The following NT5E variants were observed in gnomAD, a reference collection of about 807,000 sequenced individuals.
NT5E encodes the protein 5'-nucleotidase.
A neutral mutation model predicts 55.1 loss-of-function variants in NT5E; 53 were observed. The observed-to-expected ratio is 0.96, with a 90% CI of 0.77 to 1.21. The LOEUF is 1.21. Among genes scored for constraint, NT5E ranks in the 50% most tolerant of loss-of-function variants. NT5E has a pLI of 0.00. For synonymous variants in NT5E, 270 were observed against 278.4 expected, an observed-to-expected ratio of 0.97 and a Z score of 0.30; for missense variants, 683 against 724.3, an observed-to-expected ratio of 0.94 and a Z score of 0.65.
chr6:85,467,214 C>A lies in NT5E; in HGVS notation c.494C>A (p.Pro165His). The change falls in exon 2 of 9, where the codon CCT becomes CAT. Residue 165 changes from proline (P) to histidine (H), a missense_variant. By Grantham distance (77) the Pro-to-His change is moderately conservative. Coordinates refer to ENST00000257770, the MANE Select transcript of NT5E (RefSeq NM_002526.4). ...CTTTATTTGCCATATAAAGTTCTTC[C>A]TGTTGGTGATGAAGTTGTGGGAATC... ...SGLYLPYKVLPVGDEVVGIVG... is the reference protein window; with the variant it reads ...SGLYLPYKVLHVGDEVVGIVG... The A allele has an allele frequency of 6.2e-7, 1 of 1,614,108 alleles. No homozygotes were observed. The highest frequency in any genetic ancestry group is 8.5e-7 in the Non-Finnish European group (1 of 1,180,020).
chr6:85,450,394 C>T lies in NT5E; in HGVS notation c.255C>T (p.Asp85=). The stretch of plus-strand genomic sequence containing the variant: ...ACGTGCTGCTGCTGGACGCCGGCGA[C>T]CAGTACCAGGGCACTATCTGGTTCA... ...EPNVLLLDAG[D]QYQGTIWFTV... Residue 85 remains aspartate, a synonymous_variant, in exon 1 of 9, where the codon GAC becomes GAT. Transcript: ENST00000257770. The surrounding 1 kb of genome is among the most constrained non-coding windows in gnomAD (Gnocchi z 4.0). 6.2e-7 allele frequency: 1 copy of T among 1,601,818 alleles called. No individual in the cohort carries two copies. The highest frequency in any genetic ancestry group is 1.3e-5 in the African/African-American group (1 of 75,002).
At chr6:85,479,497 C>T (rs1317930151) in intron 3 of NT5E, among the ~76,000 whole-genome samples, 1 of 152,178 alleles carries the variant, frequency 6.6e-6, no homozygotes, top group Non-Finnish European at 1.5e-5. Flanking sequence ...CACTACATTG[C>T]ACACCAGCAT....
chr6:85,469,987 A>C (rs1370629137), intron 2 of NT5E, among the ~76,000 whole-genome samples: 1 of 152,190 alleles, frequency 6.6e-6, no homozygotes, highest in Non-Finnish European at 1.5e-5. Context: ...GTACTTTTCA[A>C]ACTGGAGTTT....
chr6:85,485,470 A>C, intron 4 of NT5E, 38 bp downstream of exon 4: 8 of 1,587,382 alleles, frequency 5.0e-6, no homozygotes, highest in Non-Finnish European at 6.9e-6. Flanking sequence ...CCAATCTAAA[A>C]TTTAGATGGC....
In NT5E at chr6:85,487,528, A is replaced by G. The variant is rs1562145131; in HGVS notation, c.1104+39A>G. On this transcript the variant is annotated intron_variant, in intron 5 of 8. Transcript: ENST00000257770. The stretch of plus-strand genomic sequence containing the variant: ...AGGAGTGGACATATGCTAGGGAGGA[A>G]GGAAAGGAAGAGGGAAGAGGAAGGA... The G allele has an allele frequency of 8.1e-6, 13 of 1,611,946 alleles. No homozygotes were observed. The East Asian group carries it at 2.9e-4, about 36-fold the overall frequency.
Position 85,450,573 on chromosome 6 carries a change from T to C in NT5E, c.339+95T>C. On this transcript the variant is annotated intron_variant, in intron 1 of 8. Coordinates refer to ENST00000257770, the MANE Select transcript of NT5E (RefSeq NM_002526.4). This position sits in a 1 kb window ranked among gnomAD's most constrained non-coding sequence, Gnocchi z 4.0. ...GATGGCAGAGTGTGGCAAGCCTAGG[T>C]CCAGGGCGCGGAGAGATGTGGGGAT... 1 of 1,195,252 alleles carries C rather than the reference T, an allele frequency of 8.4e-7. No individual in the cohort carries two copies. Among genetic ancestry groups the C allele is most frequent in the East Asian group, 2.5e-5 (1 of 39,350 alleles). The allele number at this position is 1,195,252 out of a possible 1,614,324, so 74.0% of individuals were successfully genotyped here.
At chr6:85,467,416 G>A (rs1465917745) in intron 2 of NT5E, 134 bp downstream of exon 2, 2 of 741,360 alleles carry the variant, frequency 2.7e-6, no homozygotes, top group African/African-American at 3.5e-5. Flanking sequence ...ACTGATAAAA[G>A]CAATCTGGTA....
intron 4 of NT5E, among the ~76,000 whole-genome samples, chr6:85,485,748 G>A (rs893360604): frequency 6.6e-6 from 1 of 152,212 alleles, no homozygotes; most frequent in Non-Finnish European, 1.5e-5. Flanking sequence ...CTGAACTAAA[G>A]GGGTTCTAAT....
At chr6:85,480,058 C>G (rs897588990) in intron 3 of NT5E, among the ~76,000 whole-genome samples, 1 of 152,156 alleles carries the variant, frequency 6.6e-6, no homozygotes, top group Non-Finnish European at 1.5e-5. Context: ...TGGGCCTGGT[C>G]TTGCTAGGTG....
At chr6:85,457,385 G>T (rs946085629) in intron 1 of NT5E, among the ~76,000 whole-genome samples, 5 of 152,110 alleles carry the variant, frequency 3.3e-5, no homozygotes, top group East Asian at 3.9e-4. Flanking sequence ...TGGAGAGGGT[G>T]GTCTACTGCA....
At chr6:85,475,411 C>T (rs566925247) in intron 3 of NT5E, among the ~76,000 whole-genome samples, 21 of 152,298 alleles carry the variant, frequency 1.4e-4, no homozygotes, top group Non-Finnish European at 2.9e-5. Flanking sequence ...CAGTTTCTTT[C>T]CTTTCCAAGT....
intron 2 of NT5E, among the ~76,000 whole-genome samples, chr6:85,469,090 C>G (rs925307144): frequency 3.3e-5 from 5 of 152,140 alleles, no homozygotes; most frequent in Non-Finnish European, 7.3e-5. Context: ...GCCTGGGCAC[C>G]CACAGGGTTA....
chr6:85,466,194 G>A lies in NT5E; in HGVS notation c.340-866G>A, dbSNP rs112071846. ...TCCCCCCCAGCCCCCAACTCACTAC[G>A]GGGAGCTGCAAAATGACAGACAATG... On this transcript the variant is annotated intron_variant, in intron 1 of 8. Transcript: ENST00000257770. 3.4e-3 allele frequency among the ~76,000 whole-genome samples: 511 copies of A among 152,228 alleles called. 2 individuals are homozygous for A. The highest frequency in any genetic ancestry group is 0.011 in the African/African-American group (475 of 41,526).
At chr6:85,481,052 A>G (rs1212008729) in intron 3 of NT5E, among the ~76,000 whole-genome samples, 1 of 152,194 alleles carries the variant, frequency 6.6e-6, no homozygotes, top group Non-Finnish European at 1.5e-5. Context: ...TGGCTTCTAC[A>G]TGATTCCACC....
intron 1 of NT5E, among the ~76,000 whole-genome samples, chr6:85,453,047 A>G (rs923761261): frequency 2.0e-5 from 3 of 152,156 alleles, no homozygotes; most frequent in Non-Finnish European, 4.4e-5. Flanking sequence ...TTCTAGACCT[A>G]CTGGAGTAAT....
intron 1 of NT5E, among the ~76,000 whole-genome samples, chr6:85,458,880 C>G: frequency 6.6e-6 from 1 of 152,160 alleles, no homozygotes; most frequent in East Asian, 1.9e-4. Flanking sequence ...CTTTCAACAA[C>G]CAAACCCAGT....
At chr6:85,486,646 G>A (rs1043570898) in intron 4 of NT5E, among the ~76,000 whole-genome samples, 3 of 152,188 alleles carry the variant, frequency 2.0e-5, no homozygotes, top group Admixed American at 6.5e-5. Flanking sequence ...AGCACATCAC[G>A]TGCTGTTGGC....
chr6:85,450,468 A>T lies in NT5E; in HGVS notation c.329A>T (p.Tyr110Phe). 6.3e-7 allele frequency: 1 copy of T among 1,594,380 alleles called. No homozygotes were observed. Among genetic ancestry groups the T allele is most frequent in the Non-Finnish European group, 8.5e-7 (1 of 1,171,802 alleles). ...EVAHFMNALR[Y>F]DAMALGNHEF... ...GCGCACTTCATGAACGCCCTGCGCT[A>T]CGATGCCATGGTAAGACCCGAGCCC... The change falls in exon 1 of 9, where the codon TAC (tyrosine) becomes TTC (phenylalanine). Residue 110 changes from tyrosine to phenylalanine, a missense_variant. By Grantham distance (22) the Tyr-to-Phe change is conservative (BLOSUM62 3). Coordinates refer to ENST00000257770, the MANE Select transcript of NT5E (RefSeq NM_002526.4). The surrounding 1 kb of genome is among the most constrained non-coding windows in gnomAD (Gnocchi z 4.0).
intron 2 of NT5E, among the ~76,000 whole-genome samples, chr6:85,467,646 C>T (rs1311915661): frequency 1.3e-5 from 2 of 152,130 alleles, no homozygotes; most frequent in African/African-American, 2.4e-5. Context: ...GAGCACAGAG[C>T]CAGAGTTTTA....
Sources: allele counts gnomAD v4.1 joint callset (sites outside exome capture counted in the v4.1 genomes callset), GRCh38; gene constraint gnomAD v4.1.1; non-coding constraint Gnocchi (gnomAD v3.1); transcripts MANE v1.5; gene names NCBI Gene and HGNC (gene_info 2026-07-23, HGNC 2026-07-21).